Variants in YARS2 observed in about 807,000 individuals in gnomAD.
YARS2 encodes tyrosyl-tRNA synthetase 2, also known as tyrosine--tRNA ligase, mitochondrial.
Under a neutral mutation model 45.0 loss-of-function variants are expected in YARS2, and 38 were observed. The observed-to-expected ratio is 0.84, with a 90% confidence interval of 0.65 to 1.11. The LOEUF (loss-of-function observed/expected upper bound fraction) is 1.11. Ranked by LOEUF, YARS2 falls within the 50% of genes least tolerant of loss-of-function variation. YARS2 has a pLI of 0.00. For synonymous variants in YARS2, 287 were observed against 245.1 expected (o/e 1.17, Z -1.60); for missense variants, 602 against 599.8 (o/e 1.00, Z -0.04).
intron 2 of YARS2, among the ~76,000 whole-genome samples, chr12:32,751,689 A>G (rs1476370188): frequency 6.6e-6 from 1 of 152,152 alleles, no homozygotes; most frequent in African/African-American, 2.4e-5. Flanking sequence ...TCCACTTCAG[A>G]TCATCAGGCA....
chr12:32,753,778 T>G (rs773053687), intron 2 of YARS2, 140 bp downstream of exon 2: 2 of 1,126,178 alleles, frequency 1.8e-6, no homozygotes, highest in Admixed American at 3.9e-5. Flanking sequence ...AAAATTAGTC[T>G]TCTATGATGT....
chr12:32,747,205 C>A lies in YARS2; in HGVS notation c.1433G>T (p.Ter478LeuextTer1), dbSNP rs761782969. ...NFYIIKWLQL[*>L] ...TTGGACAACCAGAAGGACTTTTCATCACAACTGAAGCCATTTTATAATGTA... is the reference window on the plus strand; with the variant it reads ...TTGGACAACCAGAAGGACTTTTCATAACAACTGAAGCCATTTTATAATGTA... Residue 478 changes from the stop codon to leucine (L), a stop_lost, in exon 5 of 5, where the codon TGA becomes TTA. Coordinates refer to ENST00000324868, the MANE Select transcript of YARS2 (RefSeq NM_001040436.3). 8 of 1,612,160 alleles carry A rather than the reference C, an allele frequency of 5.0e-6. No individual in the cohort carries two copies. Among genetic ancestry groups the A allele is most frequent in the Non-Finnish European group, 6.8e-6 (8 of 1,179,854 alleles).
rs1276043053 is a variant in YARS2, at chr12:32,752,768, T to C, written c.947+1150A>G. ...AAAAAAAAAAAAAAAAAAAAAAAGA[T>C]TATCAATTCTCAATACATCAAAACC... is the stretch of plus-strand genomic sequence containing the variant. On this transcript the variant is annotated intron_variant, in intron 2 of 4. Transcript: ENST00000324868. The C allele has an allele frequency of 1.4e-5, 4 of 279,090 alleles. No homozygotes were observed. The Admixed American group carries it at 1.6e-4, about 11-fold the overall frequency. The allele number at this position is 279,090 out of a possible 1,614,324, so 17.3% of individuals were successfully genotyped here.
chr12:32,748,096 TG>T (rs1955676669), intron 4 of YARS2, among the ~76,000 whole-genome samples: 1 of 152,256 alleles, frequency 6.6e-6, no homozygotes, highest in South Asian at 2.1e-4. Context: ...AGAAAAATGG[TG>T]GTTTTCTCTC....
At position 32,755,746 on chromosome 12, in the gene YARS2, C is replaced by T; in HGVS notation, c.129G>A (p.Lys43=). 6.2e-7 allele frequency: 1 copy of T among 1,614,010 alleles called. No individual in the cohort carries two copies. Among genetic ancestry groups the T allele is most frequent in the Non-Finnish European group, 8.5e-7 (1 of 1,180,024 alleles). The change falls in exon 1 of 5, where the codon AAG becomes AAA. Residue 43 remains lysine (K), a synonymous_variant. Transcript: ENST00000324868. ...SGAQGLLAAQ[K]ARGLFKDFFP... is the part of the protein sequence containing the mutation. ...AGAAGTCCTTGAACAGACCTCGAGCCTTCTGCGCTGCCAGTAACCCCTGAG... is the reference window on the plus strand; with the variant it reads ...AGAAGTCCTTGAACAGACCTCGAGCTTTCTGCGCTGCCAGTAACCCCTGAG...
In YARS2 at chr12:32,755,115, C is replaced by G; in HGVS notation, c.760G>C (p.Gly254Arg). 2 of 1,614,122 alleles carry G rather than the reference C, an allele frequency of 1.2e-6. No homozygotes were observed. Among genetic ancestry groups the G allele is most frequent in the East Asian group, 4.5e-5 (2 of 44,880 alleles). The change falls in exon 1 of 5, where the codon GGA becomes CGA. Residue 254 changes from glycine to arginine, a missense_variant. Transcript: ENST00000324868. Reference sequence around the variant, plus strand: ...ACTTACTTGTTGATGAACTCATATCCGGACATGATGTTGCCTAGTTGATCA... The same window carrying G: ...ACTTACTTGTTGATGAACTCATATCGGGACATGATGTTGCCTAGTTGATCA... ...GSDQLGNIMSGYEFINKLTGE... is the reference protein window; with the variant it reads ...GSDQLGNIMSRYEFINKLTGE...
rs762546767 is a variant in YARS2 at position 32,755,699 on chromosome 12, A to G, written c.176T>C (p.Ile59Thr). The change falls in exon 1 of 5, where the codon ATA (isoleucine) becomes ACA (threonine). Residue 59 changes from isoleucine (I) to threonine (T), a missense_variant. Transcript: ENST00000324868. ...ACGGTCGAAGAGCTCTGGGAGCTCTATTTTCGTCCCCGTCTCCGGGAAGAA... is the reference window on the plus strand; with the variant it reads ...ACGGTCGAAGAGCTCTGGGAGCTCTGTTTTCGTCCCCGTCTCCGGGAAGAA... ...KDFFPETGTK[I>T]ELPELFDRGT... is the part of the protein sequence containing the mutation. 13 of 1,614,080 alleles carry G rather than the reference A, an allele frequency of 8.1e-6. No homozygotes were observed. The highest frequency in any genetic ancestry group is 1.1e-5 in the Non-Finnish European group (13 of 1,180,044).
Position 32,755,089 on chromosome 12 carries a change from C to A in YARS2, c.779+7G>T, listed in dbSNP as rs1955822036. ...CCAGGATTTCCCCAAGGTTTAAAGG[C>A]ACTTACTTGTTGATGAACTCATATC... On this transcript the variant is annotated splice_region_variant and intron_variant, in intron 1 of 4. Transcript: ENST00000324868. 6.2e-7 allele frequency: 1 copy of A among 1,614,148 alleles called. No individual in the cohort carries two copies. Among genetic ancestry groups the A allele is most frequent in the Non-Finnish European group, 8.5e-7 (1 of 1,180,028 alleles).
At position 32,755,560 on chromosome 12, in the gene YARS2, GC is replaced by G. The variant is rs759877435; in HGVS notation, c.314del (p.Gly105AlafsTer4). 1.9e-6 allele frequency: 3 copies of G among 1,613,742 alleles called. No homozygotes were observed. Among genetic ancestry groups the G allele is most frequent in the Non-Finnish European group, 2.5e-6 (3 of 1,179,896 alleles). Reference protein sequence around the residue: ...LLGLFHLQRAGHNVIALVGGA... With the variant: ...LLGLFHLQRAXHNVIALVGGA... ...CTCCCACCAGCGCGATCACGTTGTGGCCCGCTCGCTGCAAATGAAACAGGCC... is the reference window on the plus strand; with the variant it reads ...CTCCCACCAGCGCGATCACGTTGTGGCCGCTCGCTGCAAATGAAACAGGCC... On this transcript the variant is annotated frameshift_variant, in exon 1 of 5. Coordinates refer to ENST00000324868, the MANE Select transcript of YARS2 (RefSeq NM_001040436.3). LOFTEE classifies it high-confidence loss of function.
chr12:32,752,722 C>T (rs1456882133), intron 2 of YARS2: 1 of 219,548 alleles, frequency 4.6e-6, no homozygotes, highest in Non-Finnish European at 8.4e-6. Flanking sequence ...GCCTGGGCAA[C>T]AAAGTGAGAC....
chr12:32,754,167 T>G, intron 1 of YARS2, 82 bp from the exon 2 acceptor site: 5 of 1,556,168 alleles, frequency 3.2e-6, no homozygotes, highest in Non-Finnish European at 4.4e-6. Flanking sequence ...GATTTCTTTC[T>G]GGTTACTTGC....
chr12:32,747,733 G>A (rs918532422), intron 4 of YARS2, among the ~76,000 whole-genome samples: 2 of 152,060 alleles, frequency 1.3e-5, no homozygotes, highest in African/African-American at 4.8e-5. Flanking sequence ...GATGGGTTTC[G>A]CCATGTTAGC....
In YARS2 at chr12:32,755,660, A is replaced by G. The variant is rs1461229118; in HGVS notation, c.215T>C (p.Phe72Ser). 2 of 1,614,122 alleles carry G rather than the reference A, an allele frequency of 1.2e-6. No homozygotes were observed. Among genetic ancestry groups the G allele is most frequent in the Non-Finnish European group, 1.7e-6 (2 of 1,180,048 alleles). ...PELFDRGTASFPQTIYCGFDP... is the reference protein window; with the variant it reads ...PELFDRGTASSPQTIYCGFDP... ...GAAGCCACAGTAAATGGTTTGGGGA[A>G]AACTCGCCGTGCCACGGTCGAAGAG... is the stretch of plus-strand genomic sequence containing the variant. Residue 72 changes from phenylalanine to serine, a missense_variant, in exon 1 of 5, where the codon TTT becomes TCT. Transcript: ENST00000324868.
rs371361080 is a variant in YARS2, at chr12:32,747,382, T to C, written c.1275-19A>G. 1 of 1,612,402 alleles carries C rather than the reference T, an allele frequency of 6.2e-7. No homozygotes were observed. Among genetic ancestry groups the C allele is most frequent in the African/African-American group, 1.3e-5 (1 of 75,040 alleles). ...TCGATACCTAAAAAATAGAAACGTT[T>C]AGTAAGTAGAGAGATCCAATCACTG... On this transcript the variant is annotated intron_variant, in intron 4 of 4. Transcript: ENST00000324868.
Position 32,750,839 on chromosome 12 carries a change from T to C in YARS2, c.983A>G (p.Glu328Gly). The C allele has an allele frequency of 2.5e-6, 4 of 1,614,148 alleles. No individual in the cohort carries two copies. The highest frequency in any genetic ancestry group is 3.4e-6 in the Non-Finnish European group (4 of 1,180,028). ...ATGCAGCTGCATGATATGATCAATC[T>C]CTGGAAGGGGCAGGAAAGTGAACAG... Reference protein sequence around the residue: ...LKLFTFLPLPEIDHIMQLHVK... With the variant: ...LKLFTFLPLPGIDHIMQLHVK... Residue 328 changes from glutamate to glycine, a missense_variant, in exon 3 of 5, where the codon GAG becomes GGG. Glu to Gly is a moderately conservative substitution (Grantham distance 98). Transcript: ENST00000324868.
chr12:32,749,208 T>C (rs1955693904), intron 4 of YARS2, among the ~76,000 whole-genome samples: 2 of 152,204 alleles, frequency 1.3e-5, no homozygotes. Context: ...TTAGGTAACC[T>C]TTCCCATCCC....
chr12:32,755,472 C>A lies in YARS2; in HGVS notation c.403G>T (p.Glu135Ter). 1 of 1,612,330 alleles carries A rather than the reference C, an allele frequency of 6.2e-7. No individual in the cohort carries two copies. Among genetic ancestry groups the A allele is most frequent in the Non-Finnish European group, 8.5e-7 (1 of 1,179,464 alleles). ...RTKEREALETERVRANARALR... is the reference protein window; with the variant it reads ...RTKEREALET The stretch of plus-strand genomic sequence containing the variant: ...GCTCGCGCGTTGGCTCGCACGCGCT[C>A]TGTCTCCAGCGCCTCGCGTTCCTTG... The change falls in exon 1 of 5, where the codon GAG (glutamate) becomes TAG (stop). Residue 135 changes from glutamate to a stop codon, truncating the protein, a stop_gained. Coordinates refer to ENST00000324868, the MANE Select transcript of YARS2 (RefSeq NM_001040436.3). LOFTEE classifies it high-confidence loss of function.
chr12:32,752,010 G>A (rs1955754061), intron 2 of YARS2, among the ~76,000 whole-genome samples: 1 of 152,158 alleles, frequency 6.6e-6, no homozygotes, highest in Non-Finnish European at 1.5e-5. Context: ...ACAGTAATGT[G>A]CTGTATGTGC....
intron 1 of YARS2, 136 bp from the exon 2 acceptor site, chr12:32,754,221 CT>C: frequency 1.0e-6 from 1 of 1,002,854 alleles, no homozygotes; most frequent in East Asian, 2.5e-5. Context: ...ATTCTTGTTC[CT>C]CTTATGTATT....
Sources: allele counts gnomAD v4.1 joint callset (sites outside exome capture counted in the v4.1 genomes callset), GRCh38; gene constraint gnomAD v4.1.1; transcripts MANE v1.5; gene names NCBI Gene and HGNC (gene_info 2026-07-23, HGNC 2026-07-21).